The following LRRC7 variants were observed in gnomAD, a reference collection of about 807,000 sequenced individuals.
LRRC7 encodes leucine-rich repeat-containing protein 7.
Under a neutral mutation model 175.7 loss-of-function variants are expected in LRRC7, and 23 were observed. The observed-to-expected ratio is 0.13, with a 90% CI of 0.09 to 0.19. The LOEUF is 0.19. Among genes scored for constraint, LRRC7 ranks in the 10% least tolerant of loss-of-function variants. The pLI, the probability that LRRC7 is intolerant of heterozygous loss-of-function variation, is 1.00. For missense variants in LRRC7, 1,354 were observed against 1,904.7 expected (o/e 0.71, Z 5.38); for synonymous variants, 685 against 680.9 (o/e 1.01, Z -0.09).
chr1:70,121,506 A>G (rs1666206268), intron 26 of LRRC7, among the ~76,000 whole-genome samples: 1 of 152,062 alleles, frequency 6.6e-6, no homozygotes, highest in Non-Finnish European at 1.5e-5. Flanking sequence ...CTGAACTACT[A>G]TGTCACCAGT....
intron 2 of LRRC7, among the ~76,000 whole-genome samples, chr1:69,740,653 G>C (rs1205703077): frequency 6.6e-6 from 1 of 152,084 alleles, no homozygotes; most frequent in Non-Finnish European, 1.5e-5. Context: ...TATTCGAACA[G>C]GGTTCGAGCA....
At chr1:69,810,875 TG>T in intron 4 of LRRC7, among the ~76,000 whole-genome samples, 1 of 152,264 alleles carries the variant, frequency 6.6e-6, no homozygotes, top group South Asian at 2.1e-4. Context: ...AAAGACCTCA[TG>T]ACTAAAACAC....
intron 1 of LRRC7, among the ~76,000 whole-genome samples, chr1:69,608,864 CTCTATA>C (rs1184929921): frequency 6.5e-4 from 14 of 21,612 alleles, no homozygotes; most frequent in East Asian, 9.8e-4. Flanking sequence ...CTCTCTCTCT[CTCTATA>C]TATATATATA....
intron 7 of LRRC7, among the ~76,000 whole-genome samples, chr1:69,908,736 T>C (rs1490164166): frequency 1.1e-4 from 14 of 125,208 alleles, no homozygotes; most frequent in Non-Finnish European, 1.2e-4. Flanking sequence ...CTGAAAAAAA[T>C]GTATATTCTG....
intron 7 of LRRC7, 174 bp downstream of exon 7, chr1:69,838,457 A>T: frequency 1.8e-6 from 1 of 562,390 alleles, no homozygotes; most frequent in Non-Finnish European, 3.2e-6. Flanking sequence ...ATGAGAATGT[A>T]TTCTGTTTTA....
At chr1:69,891,752 T>A (rs1272206034) in intron 7 of LRRC7, among the ~76,000 whole-genome samples, 1 of 151,892 alleles carries the variant, frequency 6.6e-6, no homozygotes, top group Non-Finnish European at 1.5e-5. Context: ...AAAAAATCAC[T>A]GATTATAAAT....
intron 2 of LRRC7, among the ~76,000 whole-genome samples, chr1:69,685,037 G>A (rs1212228495): frequency 2.0e-5 from 3 of 152,144 alleles, no homozygotes; most frequent in Admixed American, 1.3e-4. Context: ...CCTTCCCAGA[G>A]GTTTACCTAG....
intron 2 of LRRC7, among the ~76,000 whole-genome samples, chr1:69,707,042 T>TA (rs34365819): frequency 3.9e-5 from 6 of 152,148 alleles, no homozygotes; most frequent in Non-Finnish European, 8.8e-5. Context: ...AAACAAGTTT[T>TA]AGAGTGTGGT....
intron 11 of LRRC7, among the ~76,000 whole-genome samples, 172 bp downstream of exon 11, chr1:69,994,805 A>G (rs1654774579): frequency 6.6e-6 from 1 of 152,144 alleles, no homozygotes; most frequent in Admixed American, 6.6e-5. Context: ...TCTTAATTTT[A>G]TATCTAAACA....
chr1:69,916,890 A>G (rs959296999), intron 7 of LRRC7, among the ~76,000 whole-genome samples: 9 of 152,306 alleles, frequency 5.9e-5, no homozygotes, highest in Admixed American at 3.9e-4. Flanking sequence ...AGGGTAATAT[A>G]TAAAATGAAG....
chr1:69,948,705 G>A (rs1471026352), intron 8 of LRRC7, among the ~76,000 whole-genome samples: 4 of 152,118 alleles, frequency 2.6e-5, no homozygotes, highest in African/African-American at 7.2e-5. Flanking sequence ...AGGCACTCTA[G>A]CTGAGTTCCA....
chr1:69,771,729 T>C (rs1437681267), intron 3 of LRRC7, among the ~76,000 whole-genome samples: 1 of 152,208 alleles, frequency 6.6e-6, no homozygotes, highest in African/African-American at 2.4e-5. Flanking sequence ...ATCAACAAAT[T>C]TCTATTCTCA....
At chr1:69,654,598 G>C (rs1217785378) in intron 1 of LRRC7, among the ~76,000 whole-genome samples, 1 of 152,048 alleles carries the variant, frequency 6.6e-6, no homozygotes, top group Non-Finnish European at 1.5e-5. Context: ...AGTTATGCTA[G>C]GTGAAGAAGC....
chr1:70,117,985 T>C (rs545894395), intron 26 of LRRC7, among the ~76,000 whole-genome samples: 1 of 152,152 alleles, frequency 6.6e-6, no homozygotes, highest in South Asian at 2.1e-4. Context: ...ATTTATTTTT[T>C]CAAAGCATCA....
intron 8 of LRRC7, among the ~76,000 whole-genome samples, chr1:69,934,482 T>C (rs918522594): frequency 2.1e-4 from 18 of 86,034 alleles, no homozygotes; most frequent in African/African-American, 8.3e-4. Flanking sequence ...GAGAACATAA[T>C]AGATATTTTG....
intron 23 of LRRC7, among the ~76,000 whole-genome samples, chr1:70,065,366 A>G (rs1230881180): frequency 2.0e-5 from 3 of 152,010 alleles, no homozygotes; most frequent in African/African-American, 7.2e-5. Context: ...GGAAAGGATG[A>G]TGATGCTTAT....
intron 8 of LRRC7, among the ~76,000 whole-genome samples, chr1:69,963,377 C>A (rs1370123194): frequency 6.6e-6 from 1 of 151,844 alleles, no homozygotes. Flanking sequence ...CAAGATCAAG[C>A]ATGATGCCTT....
At chr1:69,836,399 C>T (rs6686752) in intron 6 of LRRC7, among the ~76,000 whole-genome samples, 86,704 of 151,800 alleles carry the variant, frequency 0.57, 24,889 homozygotes, top group East Asian at 0.7. Context: ...AGCCTTACAA[C>T]ATACTTTGGA....
At chr1:69,774,976 C>T (rs558951278) in intron 3 of LRRC7, among the ~76,000 whole-genome samples, 9 of 151,816 alleles carry the variant, frequency 5.9e-5, no homozygotes, top group East Asian at 3.9e-4. Context: ...AGAGAGATTG[C>T]GGGATGTGAA....
Sources: allele counts gnomAD v4.1 joint callset (sites outside exome capture counted in the v4.1 genomes callset), GRCh38; gene constraint gnomAD v4.1.1; transcripts MANE v1.5; gene names NCBI Gene and HGNC (gene_info 2026-07-23, HGNC 2026-07-21).